NOL4L: variants seen among roughly 807,000 people sequenced by gnomAD.
The protein encoded by NOL4L is nucleolar protein 4-like.
A neutral mutation model predicts 64.5 loss-of-function variants in NOL4L; 7 were observed. That is an observed-to-expected ratio of 0.11 (90% CI 0.06 to 0.20). The LOEUF (loss-of-function observed/expected upper bound fraction) is 0.20, where lower values mean the gene tolerates loss of function less well. Ranked by LOEUF, NOL4L falls within the 10% of genes least tolerant of loss-of-function variation. The pLI, the probability that NOL4L is intolerant of heterozygous loss-of-function variation, is 1.00. For synonymous variants in NOL4L, 413 were observed against 401.0 expected (o/e 1.03, Z -0.36); for missense variants, 680 against 967.1 (o/e 0.70, Z 3.94).
intron 1 of NOL4L, 110 bp from the exon 2 acceptor site, chr20:32,528,023 T>G: frequency 1.2e-6 from 1 of 807,892 alleles, no homozygotes; most frequent in South Asian, 2.3e-5. Context: ...CGACAGTGGG[T>G]CTTGGGGTGG....
In NOL4L at chr20:32,464,006, A is replaced by C. The variant is rs1424119296; in HGVS notation, c.842-7611T>G. 6.6e-6 allele frequency among the ~76,000 whole-genome samples: 1 copy of C among 152,022 alleles called. No individual in the cohort carries two copies. The highest frequency in any genetic ancestry group is 1.5e-5 in the Non-Finnish European group (1 of 67,990). ...TGCCGCCTCCATGAGACTCTGTCAC[A>C]GCAGCAGCCAGGCGGGGGATGGGAG... On this transcript the variant is annotated intron_variant, in intron 5 of 10. Coordinates refer to ENST00000621426, the MANE Select transcript of NOL4L (RefSeq NM_001256798.2). The surrounding 1 kb of genome is among the most constrained non-coding windows in gnomAD (Gnocchi z 5.6).
chr20:32,531,580 T>C (rs2018349328), intron 1 of NOL4L, among the ~76,000 whole-genome samples: 1 of 152,148 alleles, frequency 6.6e-6, no homozygotes. Flanking sequence ...CTGAAACTCC[T>C]GACCTCAGGT....
At chr20:32,494,944 A>G (rs182695909) in intron 4 of NOL4L, among the ~76,000 whole-genome samples, 2 of 148,056 alleles carry the variant, frequency 1.4e-5, no homozygotes, top group African/African-American at 5.3e-5. Context: ...GCTTATTCAC[A>G]TGGCTCCTGT....
At chr20:32,542,069 C>T (rs530072009) in intron 1 of NOL4L, among the ~76,000 whole-genome samples, 1 of 152,334 alleles carries the variant, frequency 6.6e-6, no homozygotes, top group African/African-American at 2.4e-5. Context: ...GCCCAGGAGA[C>T]AGGTGGCCAT....
At chr20:32,470,993 C>T (rs979590259) in intron 5 of NOL4L, among the ~76,000 whole-genome samples, 1 of 152,242 alleles carries the variant, frequency 6.6e-6, no homozygotes, top group African/African-American at 2.4e-5. Flanking sequence ...GCACCAGTGG[C>T]TGTGATCGCA....
At chr20:32,503,256 C>T (rs1220035737) in intron 4 of NOL4L, among the ~76,000 whole-genome samples, 1 of 152,222 alleles carries the variant, frequency 6.6e-6, no homozygotes, top group Non-Finnish European at 1.5e-5. Context: ...TTCTCAGATA[C>T]TGAAAATGTG....
intron 1 of NOL4L, among the ~76,000 whole-genome samples, chr20:32,571,076 G>A (rs1979720611): frequency 6.6e-6 from 1 of 152,210 alleles, no homozygotes; most frequent in African/African-American, 2.4e-5. Flanking sequence ...GGGCACAGAA[G>A]GGAGTGGACT....
chr20:32,490,124 A>T (rs2016398076), intron 4 of NOL4L, among the ~76,000 whole-genome samples: 1 of 110,392 alleles, frequency 9.1e-6, no homozygotes, highest in South Asian at 2.9e-4. Context: ...GAGAGACTCC[A>T]TCTCAAAAAA....
intron 5 of NOL4L, among the ~76,000 whole-genome samples, chr20:32,468,917 A>AAAAAAAAAAAAG (rs1555792102): frequency 9.1e-6 from 1 of 109,758 alleles, no homozygotes; most frequent in African/African-American, 3.9e-5. Flanking sequence ...AAAAAAAAAA[A>AAAAAAAAAAAAG]AAAGAAAGAA....
rs1257618074 is a variant in NOL4L at position 32,460,324 on chromosome 20, C to T, written c.842-3929G>A. Among the ~76,000 whole-genome samples the T allele has an allele frequency of 2.0e-5, 3 of 152,194 alleles. No individual in the cohort carries two copies. Among genetic ancestry groups the T allele is most frequent in the East Asian group, 1.9e-4 (1 of 5,202 alleles). Reference sequence around the variant, plus strand: ...GCCTACTCAGAGGGACAACATGGATCGCGAAAGCCTGCCTTCCCCAGTGAC... The same window carrying T: ...GCCTACTCAGAGGGACAACATGGATTGCGAAAGCCTGCCTTCCCCAGTGAC... On this transcript the variant is annotated intron_variant, in intron 5 of 10. Coordinates refer to ENST00000621426, the MANE Select transcript of NOL4L (RefSeq NM_001256798.2). The surrounding 1 kb of genome is among the most constrained non-coding windows in gnomAD (Gnocchi z 5.7).
chr20:32,560,130 G>A (rs1364061724), intron 1 of NOL4L, among the ~76,000 whole-genome samples: 1 of 152,268 alleles, frequency 6.6e-6, no homozygotes, highest in Admixed American at 6.5e-5. Flanking sequence ...AGGGAGCACT[G>A]GTGAGGCCAC....
intron 5 of NOL4L, 97 bp downstream of exon 5, chr20:32,474,504 C>T (rs776971710): frequency 2.0e-4 from 288 of 1,419,836 alleles, no homozygotes; most frequent in Middle Eastern, 2.6e-4. Context: ...GCCCAGATTC[C>T]GCCACCCTGG....
chr20:32,459,951 G>A (rs566487663), intron 5 of NOL4L, among the ~76,000 whole-genome samples: 1 of 152,350 alleles, frequency 6.6e-6, no homozygotes, highest in East Asian at 1.9e-4. Context: ...GCGCTGCAAT[G>A]TGGATGATAA....
chr20:32,448,916 T>C (rs551550481), intron 10 of NOL4L, among the ~76,000 whole-genome samples: 271 of 152,310 alleles, frequency 1.8e-3, no homozygotes, highest in African/African-American at 6.4e-3. Flanking sequence ...CTGCCAAAAC[T>C]AGGCGGCTCC....
At chr20:32,583,275 C>T (rs998501257) in intron 1 of NOL4L, among the ~76,000 whole-genome samples, 3 of 151,322 alleles carry the variant, frequency 2.0e-5, no homozygotes, top group Non-Finnish European at 4.4e-5. Flanking sequence ...CCCCGGCTCC[C>T]GCCTCCCTCC....
At chr20:32,447,923 A>AGTT (rs34009028) in intron 10 of NOL4L, 107 bp from the exon 11 acceptor site, 256,971 of 1,382,346 alleles carry the variant, frequency 0.19, 26,025 homozygotes, top group African/African-American at 0.34. Flanking sequence ...GCCCACTGTG[A>AGTT]GTTGGGCACT....
rs559735385 is a variant in NOL4L at position 32,568,196 on chromosome 20, CTG to C, written c.321+16372_321+16373del. ...ACCACCATCAGCACCACCACCATAACTGTGTCATGTAGCATCCGTTCCCCACA... is the reference window on the plus strand; with the variant it reads ...ACCACCATCAGCACCACCACCATAACTGTCATGTAGCATCCGTTCCCCACA... On this transcript the variant is annotated intron_variant, in intron 1 of 10. Transcript: ENST00000621426. Among the ~76,000 whole-genome samples, 546 of 152,272 alleles carry C rather than the reference CTG, an allele frequency of 3.6e-3. 4 individuals carry two copies. The highest frequency in any genetic ancestry group is 9.1e-3 in the Admixed American group (139 of 15,292).
At chr20:32,457,556 G>A (rs1029137959) in intron 5 of NOL4L, among the ~76,000 whole-genome samples, 1 of 151,438 alleles carries the variant, frequency 6.6e-6, no homozygotes, top group Non-Finnish European at 1.5e-5. Context: ...TGGCGACCGA[G>A]CGGCTCTAGC....
At chr20:32,456,819 CG>C (rs1457573418) in intron 5 of NOL4L, among the ~76,000 whole-genome samples, 7 of 152,206 alleles carry the variant, frequency 4.6e-5, no homozygotes. Flanking sequence ...CTCCTGCTGC[CG>C]GGCACTGCCT....
Sources: gnomAD v4.1 joint callset for allele counts (sites outside exome capture counted in the v4.1 genomes callset) on GRCh38, gnomAD v4.1.1 for gene constraint, Gnocchi (gnomAD v3.1) non-coding constraint, MANE v1.5 for transcripts, NCBI Gene and HGNC (gene_info 2026-07-23, HGNC 2026-07-21) for gene names.